The following SLC9A2 variants were observed in gnomAD, a reference collection of about 807,000 sequenced individuals.
The protein encoded by SLC9A2 is solute carrier family 9 member A2.
A neutral mutation model predicts 71.7 loss-of-function variants in SLC9A2; 42 were observed. The ratio of observed to expected loss-of-function variants is 0.59; its 90% confidence interval spans 0.46 to 0.76. The LOEUF is 0.76. SLC9A2 is among the 30% of genes least tolerant of loss of function. The pLI is 0.00. For synonymous variants in SLC9A2, 396 were observed against 392.5 expected, an observed-to-expected ratio of 1.01 and a Z score of -0.10; for missense variants, 829 against 1,017.4, an observed-to-expected ratio of 0.81 and a Z score of 2.52.
At chr2:102,644,682 G>A (rs1481530348) in intron 1 of SLC9A2, among the ~76,000 whole-genome samples, 1 of 152,182 alleles carries the variant, frequency 6.6e-6, no homozygotes, top group Non-Finnish European at 1.5e-5. Context: ...CCCTTACAGT[G>A]TTAACTCTGA....
intron 1 of SLC9A2, among the ~76,000 whole-genome samples, chr2:102,642,040 A>AT (rs1264435602): frequency 2.0e-5 from 2 of 98,530 alleles, no homozygotes; most frequent in Non-Finnish European, 4.2e-5. Context: ...TAGAACTTAA[A>AT]ATATAATAAT....
At chr2:102,681,816 G>A (rs998247730) in intron 3 of SLC9A2, among the ~76,000 whole-genome samples, 1 of 152,136 alleles carries the variant, frequency 6.6e-6, no homozygotes, top group African/African-American at 2.4e-5. Context: ...TTAATAAGGG[G>A]CACAAAAATA....
chr2:102,660,943 T>C (rs918479185), intron 2 of SLC9A2, among the ~76,000 whole-genome samples: 1 of 152,246 alleles, frequency 6.6e-6, no homozygotes, highest in Non-Finnish European at 1.5e-5. Context: ...CATTAACTCC[T>C]TTCCCAAATT....
chr2:102,671,023 C>A (rs996343946), intron 3 of SLC9A2, among the ~76,000 whole-genome samples: 5 of 152,002 alleles, frequency 3.3e-5, no homozygotes, highest in Non-Finnish European at 5.9e-5. Context: ...ATAATAAACA[C>A]AAGACATTGT....
In SLC9A2 at chr2:102,708,496, C is replaced by A. The variant is rs1322350335; in HGVS notation, c.*7C>A. On this transcript the variant is annotated 3_prime_UTR_variant, in exon 12 of 12. Transcript: ENST00000233969. The stretch of plus-strand genomic sequence containing the variant: ...TGGGAGTGAGAAGCCTTAAGAGAAG[C>A]AGCGAAAGCAGATCTGAGTGTCTGA... 6.2e-7 allele frequency: 1 copy of A among 1,609,912 alleles called. No homozygotes were observed. The highest frequency in any genetic ancestry group is 8.5e-7 in the Non-Finnish European group (1 of 1,177,774).
intron 1 of SLC9A2, among the ~76,000 whole-genome samples, chr2:102,655,503 T>A (rs543986272): frequency 3.3e-5 from 5 of 152,308 alleles, no homozygotes; most frequent in African/African-American, 1.2e-4. Context: ...TTTGTTGATA[T>A]TTAAACTTTT....
chr2:102,629,131 C>G (rs1573396210), intron 1 of SLC9A2, among the ~76,000 whole-genome samples: 1 of 151,922 alleles, frequency 6.6e-6, no homozygotes, highest in Non-Finnish European at 1.5e-5. Flanking sequence ...TTTATCAGTT[C>G]CTGGGGTACA....
At chr2:102,642,137 G>C (rs2104508804) in intron 1 of SLC9A2, among the ~76,000 whole-genome samples, 1 of 152,228 alleles carries the variant, frequency 6.6e-6, no homozygotes. Context: ...TTCTAGGAAG[G>C]AAGAATCCTT....
At chr2:102,635,803 G>C (rs1387938525) in intron 1 of SLC9A2, among the ~76,000 whole-genome samples, 2 of 152,130 alleles carry the variant, frequency 1.3e-5, no homozygotes, top group Admixed American at 1.3e-4. Context: ...CCACACATGA[G>C]AGGTGATGGT....
chr2:102,624,015 T>C (rs1362405888), intron 1 of SLC9A2, among the ~76,000 whole-genome samples: 1 of 152,180 alleles, frequency 6.6e-6, no homozygotes, highest in Non-Finnish European at 1.5e-5. Flanking sequence ...TGATTCAGCT[T>C]AGCTCTTAAT....
chr2:102,636,140 C>T (rs1676465630), intron 1 of SLC9A2, among the ~76,000 whole-genome samples: 1 of 152,160 alleles, frequency 6.6e-6, no homozygotes, highest in Non-Finnish European at 1.5e-5. Flanking sequence ...TTAAAATACA[C>T]ATCCCAATAC....
At chr2:102,700,944 C>T (rs1226617049) in intron 7 of SLC9A2, 126 bp from the exon 8 acceptor site, 1 of 636,706 alleles carries the variant, frequency 1.6e-6, no homozygotes, top group Non-Finnish European at 2.8e-6. Flanking sequence ...ATAAAATGAC[C>T]AGATTAGCTA....
intron 3 of SLC9A2, among the ~76,000 whole-genome samples, chr2:102,681,572 C>T (rs574889670): frequency 6.6e-6 from 1 of 152,350 alleles, no homozygotes; most frequent in African/African-American, 2.4e-5. Context: ...AGTAAAGGTG[C>T]TGTGAAGATT....
At chr2:102,702,609 G>A (rs1163724033) in intron 9 of SLC9A2, 107 bp downstream of exon 9, 2 of 663,044 alleles carry the variant, frequency 3.0e-6, no homozygotes, top group African/African-American at 1.8e-5. Flanking sequence ...GGCTCAGCAG[G>A]TCCCATGCTG....
intron 3 of SLC9A2, among the ~76,000 whole-genome samples, chr2:102,672,445 TA>T (rs558139924): frequency 2.9e-3 from 431 of 150,798 alleles, no homozygotes; most frequent in Non-Finnish European, 4.9e-3. Flanking sequence ...TTTGATAAGG[TA>T]AAAAAAAATA....
At chr2:102,676,535 T>C (rs1222503503) in intron 3 of SLC9A2, among the ~76,000 whole-genome samples, 1 of 152,260 alleles carries the variant, frequency 6.6e-6, no homozygotes, top group African/African-American at 2.4e-5. Flanking sequence ...TTTGACAGTT[T>C]CAATGTACTT....
intron 5 of SLC9A2, among the ~76,000 whole-genome samples, chr2:102,690,851 T>A (rs537574080): frequency 6.6e-6 from 1 of 152,046 alleles, no homozygotes; most frequent in East Asian, 1.9e-4. Flanking sequence ...TTTCTATAAG[T>A]TTTTCTGGAA....
chr2:102,661,160 T>G (rs7561632), intron 2 of SLC9A2, among the ~76,000 whole-genome samples: 17,770 of 152,282 alleles, frequency 0.12, 2,148 homozygotes, highest in African/African-American at 0.31. Context: ...GAATAAATGT[T>G]GCATGAAAAC....
intron 1 of SLC9A2, among the ~76,000 whole-genome samples, chr2:102,639,797 T>C (rs1056974024): frequency 1.3e-5 from 2 of 152,234 alleles, no homozygotes; most frequent in African/African-American, 2.4e-5. Flanking sequence ...AGCAGAATCA[T>C]ACAGTATTTG....
Sources: gnomAD v4.1 joint callset for allele counts (sites outside exome capture counted in the v4.1 genomes callset) on GRCh38, gnomAD v4.1.1 for gene constraint, MANE v1.5 for transcripts, NCBI Gene and HGNC (gene_info 2026-07-23, HGNC 2026-07-21) for gene names.